The following SLC8A1 variants were observed in gnomAD, a reference collection of about 807,000 sequenced individuals.
SLC8A1 encodes sodium/calcium exchanger 1.
SLC8A1 carries 18 observed loss-of-function variants against 68.3 expected under a neutral mutation model. That is an observed-to-expected ratio of 0.26 (90% CI 0.18 to 0.39). The LOEUF (loss-of-function observed/expected upper bound fraction) is 0.39, where lower values mean the gene tolerates loss of function less well. SLC8A1 is among the 10% of genes least tolerant of loss of function. The probability of loss-of-function intolerance (pLI) is 1.00; values close to 1 mark genes in which losing one functional copy is unlikely to be tolerated. For missense variants in SLC8A1, 985 were observed against 1,156.7 expected (o/e 0.85, Z 2.15); for synonymous variants, 475 against 415.5 (o/e 1.14, Z -1.74).
rs567067861 is a variant in SLC8A1, at chr2:40,449,516, T to C, written c.-25+2388A>G. ...GAGCAATTAACATAATTCCTGCAAA[T>C]AGTCCTATAGATGTTACTGACTATA... On this transcript the variant is annotated intron_variant, in intron 1 of 7. Transcript: ENST00000406785. Among the ~76,000 whole-genome samples, 4 of 152,276 alleles carry C rather than the reference T, an allele frequency of 2.6e-5. No individual in the cohort carries two copies. The East Asian group carries it at 5.8e-4, about 22-fold the overall frequency.
rs750929500 is a variant in SLC8A1 at position 40,100,727 on chromosome 2, T to A, written c.*14526A>T. 2.0e-5 allele frequency: 3 copies of A among 152,194 alleles called. No individual in the cohort carries two copies. The East Asian group carries it at 5.8e-4, about 29-fold the overall frequency. The allele number at this position is 152,194 out of a possible 1,614,324, so 9.4% of individuals were successfully genotyped here. A position where few individuals can be genotyped will look rare whatever the true frequency, so the allele number is the denominator to read the frequency against. On this transcript the variant is annotated 3_prime_UTR_variant, in exon 8 of 8. Coordinates refer to ENST00000406785, the Ensembl canonical transcript of SLC8A1. ...GGGGAAAAGAGCCGATGAGAAAATGTCCTCAGCGACAGACAATGGACACTC... is the reference window on the plus strand; with the variant it reads ...GGGGAAAAGAGCCGATGAGAAAATGACCTCAGCGACAGACAATGGACACTC...
At chr2:40,171,825 G>A (rs367982171) in intron 4 of SLC8A1, among the ~76,000 whole-genome samples, 2 of 152,196 alleles carry the variant, frequency 1.3e-5, no homozygotes, top group Non-Finnish European at 2.9e-5. Context: ...GGTCAAGGGG[G>A]AATGAGATCA....
At chr2:40,397,171 T>C (rs1246425948) in intron 2 of SLC8A1, among the ~76,000 whole-genome samples, 1 of 152,194 alleles carries the variant, frequency 6.6e-6, no homozygotes, top group Non-Finnish European at 1.5e-5. Flanking sequence ...TGGCACATAG[T>C]AGATATCCAA....
intron 2 of SLC8A1, among the ~76,000 whole-genome samples, chr2:40,183,615 A>G (rs1002719916): frequency 3.7e-4 from 57 of 152,308 alleles, no homozygotes; most frequent in African/African-American, 1.2e-3. Flanking sequence ...CAGAATCTGC[A>G]TTTTAACAAG....
At chr2:40,263,173 T>C (rs1233713234) in intron 2 of SLC8A1, among the ~76,000 whole-genome samples, 2 of 152,318 alleles carry the variant, frequency 1.3e-5, no homozygotes, top group African/African-American at 2.4e-5. Context: ...CATTTGCTGG[T>C]TGATTCAAGA....
At chr2:40,359,398 A>G (rs927661704) in intron 2 of SLC8A1, among the ~76,000 whole-genome samples, 2 of 152,182 alleles carry the variant, frequency 1.3e-5, no homozygotes, top group African/African-American at 4.8e-5. Flanking sequence ...CAGTGCTGGT[A>G]GTAAGTACAT....
At chr2:40,259,903 C>A (rs1315009239) in intron 2 of SLC8A1, among the ~76,000 whole-genome samples, 1 of 152,126 alleles carries the variant, frequency 6.6e-6, no homozygotes, top group East Asian at 1.9e-4. Flanking sequence ...TTACTGCTCG[C>A]TGCACAGGCA....
chr2:40,216,071 A>G (rs1337255204), intron 2 of SLC8A1, among the ~76,000 whole-genome samples: 2 of 150,464 alleles, frequency 1.3e-5, no homozygotes, highest in Non-Finnish European at 2.9e-5. Flanking sequence ...ACATGTGCAG[A>G]ACGTGCAAGT....
chr2:40,193,467 G>A (rs1311297866), intron 2 of SLC8A1, among the ~76,000 whole-genome samples: 7 of 152,062 alleles, frequency 4.6e-5, no homozygotes, highest in Non-Finnish European at 7.4e-5. Context: ...GCTCTGTGCT[G>A]TGTGAGCACA....
chr2:40,307,632 G>C (rs1486937100), intron 2 of SLC8A1, among the ~76,000 whole-genome samples: 1 of 152,148 alleles, frequency 6.6e-6, no homozygotes, highest in African/African-American at 2.4e-5. Context: ...TTAGAATTTG[G>C]CTAAAGGGGT....
At chr2:40,177,447 A>G (rs1461962909) in intron 3 of SLC8A1, among the ~76,000 whole-genome samples, 2 of 152,244 alleles carry the variant, frequency 1.3e-5, no homozygotes, top group Non-Finnish European at 2.9e-5. Context: ...ACATTTTAGA[A>G]TAAACCGTGA....
In SLC8A1 at chr2:40,449,698, A is replaced by G. The variant is rs1702087249; in HGVS notation, c.-25+2206T>C. Among the ~76,000 whole-genome samples, 5 of 152,286 alleles carry G rather than the reference A, an allele frequency of 3.3e-5. 1 individual carries two copies. In the South Asian group the frequency reaches 1.0e-3, roughly 32 times the overall value. On this transcript the variant is annotated intron_variant, in intron 1 of 7. Transcript: ENST00000406785. ...TTAAAGTAAAGACATAGGTAGATAG[A>G]TACATAGAAAATAAGCCTTCATATT...
chr2:40,303,535 A>T (rs2071949103), intron 2 of SLC8A1, among the ~76,000 whole-genome samples: 1 of 152,126 alleles, frequency 6.6e-6, no homozygotes, highest in South Asian at 2.1e-4. Flanking sequence ...GGACCATCTC[A>T]AATTTGGGGA....
chr2:40,311,879 T>C (rs2073747582), intron 2 of SLC8A1, among the ~76,000 whole-genome samples: 1 of 152,178 alleles, frequency 6.6e-6, no homozygotes, highest in Non-Finnish European at 1.5e-5. Context: ...GTTGTCCTTA[T>C]CATCTCCACA....
exon 8 of SLC8A1, chr2:40,106,184 T>C (rs2034185636): frequency 6.6e-6 from 1 of 152,224 alleles, no homozygotes; most frequent in Non-Finnish European, 1.5e-5. Flanking sequence ...AAAACTTTTT[T>C]CCTTTTCACT....
intron 2 of SLC8A1, among the ~76,000 whole-genome samples, chr2:40,281,249 T>A (rs1223684986): frequency 1.3e-5 from 2 of 150,866 alleles, no homozygotes; most frequent in Non-Finnish European, 3.0e-5. Context: ...GTCATGTATT[T>A]AAAAAAAAAG....
chr2:40,317,521 T>G (rs553278574), intron 2 of SLC8A1, among the ~76,000 whole-genome samples: 5 of 152,234 alleles, frequency 3.3e-5, no homozygotes, highest in African/African-American at 1.2e-4. Context: ...ATAGGCTCAC[T>G]TGGTCTTCTT....
chr2:40,439,123 C>G (rs1037076600), intron 1 of SLC8A1, among the ~76,000 whole-genome samples: 1 of 151,850 alleles, frequency 6.6e-6, no homozygotes. Context: ...CAGAGGAGGA[C>G]AGATCTTAAT....
chr2:40,482,290 A>G (rs1255380927), intron 1 of SLC8A1, among the ~76,000 whole-genome samples: 1 of 151,982 alleles, frequency 6.6e-6, no homozygotes. Context: ...TTGCAGGGTC[A>G]TTTATAGCCT....
Sources: gnomAD v4.1 joint callset for allele counts (sites outside exome capture counted in the v4.1 genomes callset) on GRCh38, gnomAD v4.1.1 for gene constraint, MANE v1.5 for transcripts, NCBI Gene and HGNC (gene_info 2026-07-23, HGNC 2026-07-21) for gene names.